Variants in ABTB2 observed in about 807,000 individuals in gnomAD.
ABTB2 encodes ankyrin repeat and BTB/POZ domain-containing protein 2.
In ABTB2, 56 loss-of-function variants were observed where a neutral mutation model predicts 104.1. The ratio of observed to expected loss-of-function variants is 0.54; its 90% CI spans 0.43 to 0.67. The LOEUF (loss-of-function observed/expected upper bound fraction) is 0.67. ABTB2 is among the 30% of genes least tolerant of loss of function. The pLI, the probability that ABTB2 is intolerant of heterozygous loss-of-function variation, is 0.00. For synonymous variants in ABTB2, 606 were observed against 608.2 expected (o/e 1.00, Z 0.05); for missense variants, 1,279 against 1,407.7 (o/e 0.91, Z 1.46).
At chr11:34,208,719 G>T (rs1248127543) in intron 1 of ABTB2, among the ~76,000 whole-genome samples, 1 of 151,984 alleles carries the variant, frequency 6.6e-6, no homozygotes, top group Admixed American at 6.6e-5. Flanking sequence ...TGTGAGTACA[G>T]CACCGTGGCC....
chr11:34,309,745 T>C (rs949555543), intron 1 of ABTB2, among the ~76,000 whole-genome samples: 2 of 151,876 alleles, frequency 1.3e-5, no homozygotes, highest in Non-Finnish European at 2.9e-5. Flanking sequence ...ATTGTTCCTT[T>C]AGAAAACAGT....
intron 2 of ABTB2, among the ~76,000 whole-genome samples, chr11:34,199,707 C>A (rs1387025494): frequency 1.3e-5 from 2 of 152,104 alleles, no homozygotes; most frequent in African/African-American, 4.8e-5. Flanking sequence ...AAGAGAAATC[C>A]CTTACGTAGT....
chr11:34,311,823 T>C (rs188187038), intron 1 of ABTB2, among the ~76,000 whole-genome samples: 11 of 152,288 alleles, frequency 7.2e-5, no homozygotes, highest in Admixed American at 6.5e-4. Flanking sequence ...GGAGCAGGAC[T>C]TCTAATGACC....
intron 1 of ABTB2, among the ~76,000 whole-genome samples, chr11:34,226,426 A>G (rs1853687579): frequency 6.6e-6 from 1 of 152,124 alleles, no homozygotes; most frequent in Non-Finnish European, 1.5e-5. Context: ...CTTAAGGAGC[A>G]ATGAACAAGT....
chr11:34,159,038 C>T (rs934901533), intron 14 of ABTB2, among the ~76,000 whole-genome samples: 4 of 152,216 alleles, frequency 2.6e-5, no homozygotes, highest in Admixed American at 6.5e-5. Flanking sequence ...TGTCCTTGCA[C>T]GTCTGTCTGC....
At chr11:34,324,507 G>C (rs376288482) in intron 1 of ABTB2, among the ~76,000 whole-genome samples, 1 of 152,146 alleles carries the variant, frequency 6.6e-6, no homozygotes, top group Non-Finnish European at 1.5e-5. Flanking sequence ...AAAAAAACAG[G>C]TGCCAGTTAG....
intron 1 of ABTB2, among the ~76,000 whole-genome samples, chr11:34,212,618 G>T (rs1018751902): frequency 7.9e-5 from 12 of 152,272 alleles, no homozygotes; most frequent in African/African-American, 2.9e-4. Context: ...GTCCACACTG[G>T]CTCAGTCTGA....
At chr11:34,195,695 G>A (rs1657796361) in intron 3 of ABTB2, among the ~76,000 whole-genome samples, 1 of 152,222 alleles carries the variant, frequency 6.6e-6, no homozygotes, top group Non-Finnish European at 1.5e-5. Context: ...TGTAAATGGG[G>A]CTCTGAAGAA....
intron 1 of ABTB2, among the ~76,000 whole-genome samples, chr11:34,230,810 A>T (rs910742313): frequency 6.6e-6 from 1 of 152,200 alleles, no homozygotes; most frequent in Non-Finnish European, 1.5e-5. Flanking sequence ...ACCTTCTTTC[A>T]AAAGGAATGT....
chr11:34,225,189 C>T (rs533102350), intron 1 of ABTB2, among the ~76,000 whole-genome samples: 19 of 152,270 alleles, frequency 1.2e-4, no homozygotes, highest in Admixed American at 3.3e-4. Flanking sequence ...AGGAGGTGGC[C>T]GTCAGGGAGG....
At chr11:34,223,725 G>A (rs982068236) in intron 1 of ABTB2, among the ~76,000 whole-genome samples, 9 of 152,190 alleles carry the variant, frequency 5.9e-5, no homozygotes, top group Non-Finnish European at 1.2e-4. Context: ...TTGCTGACCC[G>A]CTAGCATGCC....
intron 4 of ABTB2, among the ~76,000 whole-genome samples, 167 bp downstream of exon 4, chr11:34,172,988 C>T (rs1344802985): frequency 6.6e-6 from 1 of 152,202 alleles, no homozygotes. Context: ...AGATCTGTTC[C>T]CATACTCAGG....
chr11:34,155,548 G>A (rs1361047410), intron 14 of ABTB2, among the ~76,000 whole-genome samples: 1 of 152,250 alleles, frequency 6.6e-6, no homozygotes, highest in Non-Finnish European at 1.5e-5. Context: ...CTGAAGAAAC[G>A]GCTCCAGCAA....
chr11:34,307,001 A>AG (rs1554924634), intron 1 of ABTB2, among the ~76,000 whole-genome samples: 1 of 150,744 alleles, frequency 6.6e-6, no homozygotes, highest in Non-Finnish European at 1.5e-5. Flanking sequence ...AAAAAAAAAA[A>AG]AAAGAAAGAA....
chr11:34,170,887 T>C lies in ABTB2; in HGVS notation c.1563+19A>G. On this transcript the variant is annotated intron_variant, in intron 5 of 16. Coordinates refer to ENST00000435224, the MANE Select transcript of ABTB2 (RefSeq NM_145804.3). ...ACTCTGGTCCTCGTGCCTGTCTTTG[T>C]GGAGCTCTCAGGACGTACCTGGTCA... 1 of 1,607,360 alleles carries C rather than the reference T, an allele frequency of 6.2e-7. No individual in the cohort carries two copies. The highest frequency in any genetic ancestry group is 1.1e-5 in the South Asian group (1 of 90,422).
chr11:34,257,413 C>A (rs10836175), intron 1 of ABTB2, among the ~76,000 whole-genome samples: 1 of 151,904 alleles, frequency 6.6e-6, no homozygotes, highest in Non-Finnish European at 1.5e-5. Flanking sequence ...ACACTAGAAA[C>A]GGGCACAGAA....
intron 3 of ABTB2, among the ~76,000 whole-genome samples, chr11:34,176,623 CAAAG>C (rs1852964101): frequency 6.6e-6 from 1 of 152,180 alleles, no homozygotes; most frequent in South Asian, 2.1e-4. Context: ...GCCTGGGAGA[CAAAG>C]AGAGACCGTG....
At chr11:34,200,978 A>G (rs570315689) in intron 2 of ABTB2, among the ~76,000 whole-genome samples, 1 of 152,382 alleles carries the variant, frequency 6.6e-6, no homozygotes, top group South Asian at 2.1e-4. Flanking sequence ...CTAGCTAATA[A>G]TAATTTTAAA....
intron 1 of ABTB2, among the ~76,000 whole-genome samples, chr11:34,348,580 C>T (rs970015210): frequency 6.6e-6 from 1 of 152,198 alleles, no homozygotes; most frequent in African/African-American, 2.4e-5. Flanking sequence ...ATCACTGGCA[C>T]ACCTGCCACA....
Sources: gnomAD v4.1 joint callset for allele counts (sites outside exome capture counted in the v4.1 genomes callset) on GRCh38, gnomAD v4.1.1 for gene constraint, MANE v1.5 for transcripts, NCBI Gene and HGNC (gene_info 2026-07-23, HGNC 2026-07-21) for gene names.